SEL1L3: variants seen among roughly 807,000 people sequenced by gnomAD.
The protein encoded by SEL1L3 is SEL1L family member 3.
Under a neutral mutation model 142.8 loss-of-function variants are expected in SEL1L3, and 76 were observed. The ratio of observed to expected loss-of-function variants is 0.53; its 90% CI spans 0.44 to 0.64. SEL1L3 has a LOEUF of 0.64. SEL1L3 is among the 30% of genes least tolerant of loss of function. SEL1L3 has a pLI of 0.00. For synonymous variants in SEL1L3, 504 were observed against 519.6 expected, an observed-to-expected ratio of 0.97 and a Z score of 0.41; for missense variants, 1,262 against 1,381.7, an observed-to-expected ratio of 0.91 and a Z score of 1.37.
At chr4:25,733,758 C>T in the SEL1L3 span, among the ~76,000 whole-genome samples, 2 of 152,180 alleles carry the variant, frequency 1.3e-5, no homozygotes, top group South Asian at 4.1e-4. Flanking sequence ...TGATTTCCCT[C>T]CCACCTCCGG....
chr4:25,777,752 T>C (rs974056993), intron 16 of SEL1L3: 1 of 445,256 alleles, frequency 2.2e-6, no homozygotes, highest in Non-Finnish European at 4.5e-6. Flanking sequence ...GATAAAAAAC[T>C]TCAAGTCAGT....
intron 23 of SEL1L3, chr4:25,756,678 A>G (rs987445449): frequency 1.3e-5 from 14 of 1,089,808 alleles, no homozygotes; most frequent in Non-Finnish European, 1.4e-5. Context: ...TAACTATTCT[A>G]TACTGGCTCA....
intron 3 of SEL1L3, 121 bp from the exon 4 acceptor site, chr4:25,833,690 G>A (rs907710300): frequency 1.3e-5 from 11 of 833,878 alleles, no homozygotes; most frequent in Admixed American, 9.7e-5. Context: ...TTGCCTTCGC[G>A]TTCATCATGG....
At chr4:25,722,746 C>T in the SEL1L3 span, among the ~76,000 whole-genome samples, 18 of 151,714 alleles carry the variant, frequency 1.2e-4, no homozygotes, top group Admixed American at 5.9e-4. Flanking sequence ...CATGAGCCAC[C>T]GTGCCTGGCT....
At chr4:25,739,011 A>C in the SEL1L3 span, among the ~76,000 whole-genome samples, 11 of 151,756 alleles carry the variant, frequency 7.2e-5, no homozygotes, top group East Asian at 1.4e-3. Flanking sequence ...CAAGACCAGC[A>C]TGACCAACAT....
intron 12 of SEL1L3, among the ~76,000 whole-genome samples, chr4:25,790,050 C>A (rs1712185821): frequency 6.6e-6 from 1 of 152,204 alleles, no homozygotes; most frequent in Admixed American, 6.5e-5. Flanking sequence ...GTTTTTCTAT[C>A]TGATGGATGC....
At chr4:25,746,509 T>TAAATAA (rs1222656401), downstream of SEL1L3, among the ~76,000 whole-genome samples, 6 of 31,110 alleles carry the variant, frequency 1.9e-4, no homozygotes, top group African/African-American at 3.5e-4. Flanking sequence ...ATTATCTAAA[T>TAAATAA]ATATATATAT....
At chr4:25,733,523 C>CTT in the SEL1L3 span, among the ~76,000 whole-genome samples, 1,042 of 121,924 alleles carry the variant, frequency 8.5e-3, 44 homozygotes, top group African/African-American at 0.025. Context: ...TATTCCTTAG[C>CTT]TTTTTTTTTT....
In SEL1L3 at chr4:25,862,897, C is replaced by T; in HGVS notation, c.-61G>A. 9.7e-7 allele frequency: 1 copy of T among 1,027,714 alleles called. No individual in the cohort carries two copies. The highest frequency in any genetic ancestry group is 1.2e-6 in the Non-Finnish European group (1 of 858,326). The allele number at this position is 1,027,714 out of a possible 1,614,324, so 63.7% of individuals were successfully genotyped here. A position where few individuals can be genotyped will look rare whatever the true frequency, so the allele number is the denominator to read the frequency against. ...CCTGGTGCAGGGACCGGCCCCCGCC[C>T]GAGGCGCCACCTTCCCGCCCGCCCC... On this transcript the variant is annotated 5_prime_UTR_variant, in exon 1 of 24. Coordinates refer to ENST00000399878, the MANE Select transcript of SEL1L3 (RefSeq NM_015187.5).
chr4:25,782,536 T>C, intron 14 of SEL1L3, 118 bp from the exon 15 acceptor site: 3 of 870,930 alleles, frequency 3.4e-6, no homozygotes, highest in Non-Finnish European at 5.2e-6. Flanking sequence ...CTTTCTCTTA[T>C]TTTGGAGCAG....
chr4:25,778,518 T>C (rs1719788561), intron 16 of SEL1L3, among the ~76,000 whole-genome samples: 1 of 152,192 alleles, frequency 6.6e-6, no homozygotes. Context: ...CAGAGTATAC[T>C]ACATGGTTCA....
intron 2 of SEL1L3, among the ~76,000 whole-genome samples, chr4:25,837,781 A>C (rs1264460335): frequency 1.3e-5 from 2 of 152,122 alleles, no homozygotes; most frequent in Non-Finnish European, 2.9e-5. Flanking sequence ...TATTTATCCT[A>C]TATGTTATTT....
Position 25,788,145 on chromosome 4 carries a change from T to C in SEL1L3, c.2217+79A>G, listed in dbSNP as rs1711981837. 2 of 1,456,552 alleles carry C rather than the reference T, an allele frequency of 1.4e-6. No homozygotes were observed. The highest frequency in any genetic ancestry group is 1.9e-6 in the Non-Finnish European group (2 of 1,059,014). The allele number at this position is 1,456,552 out of a possible 1,614,324, so 90.2% of individuals were successfully genotyped here. On this transcript the variant is annotated intron_variant, in intron 13 of 23. Coordinates refer to ENST00000399878, the MANE Select transcript of SEL1L3 (RefSeq NM_015187.5). The surrounding 1 kb of genome is among the most constrained non-coding windows in gnomAD (Gnocchi z 5.3). Reference sequence around the variant, plus strand: ...ATTTCTTCAGTTATCGACTCCCTGTTTGCCAGCCCGCCCACAGGAAACTGC... The same window carrying C: ...ATTTCTTCAGTTATCGACTCCCTGTCTGCCAGCCCGCCCACAGGAAACTGC...
chr4:25,801,485 CT>C, intron 11 of SEL1L3, among the ~76,000 whole-genome samples: 1 of 152,218 alleles, frequency 6.6e-6, no homozygotes, highest in Non-Finnish European at 1.5e-5. Context: ...AGGCAGCTTT[CT>C]TTTATTCTTA....
At chr4:25,742,811 G>A (rs541039237), downstream of SEL1L3, among the ~76,000 whole-genome samples, 3 of 152,018 alleles carry the variant, frequency 2.0e-5, no homozygotes, top group South Asian at 6.2e-4. Flanking sequence ...ATACTTTACT[G>A]AGACTCCAAA....
At chr4:25,736,242 T>TGTGTGTGTGTGTGTGA in the SEL1L3 span, among the ~76,000 whole-genome samples, 45 of 150,550 alleles carry the variant, frequency 3.0e-4, no homozygotes, top group Admixed American at 6.7e-4. Flanking sequence ...TGTGTGTGTG[T>TGTGTGTGTGTGTGTGA]GATGGAGTTT....
Position 25,788,600 on chromosome 4 carries a change from G to A in SEL1L3, c.2077-236C>T, listed in dbSNP as rs111501113. ...TGTGTGTGTGTGTGTGTGTGTGTGTGTGTGTGTGTGTGTGTGTGTGTATCT... is the reference window on the plus strand; with the variant it reads ...TGTGTGTGTGTGTGTGTGTGTGTGTATGTGTGTGTGTGTGTGTGTGTATCT... On this transcript the variant is annotated intron_variant, in intron 12 of 23. Transcript: ENST00000399878. The surrounding 1 kb of genome is among the most constrained non-coding windows in gnomAD (Gnocchi z 5.3). Among the ~76,000 whole-genome samples, 79 of 151,078 alleles carry A rather than the reference G, an allele frequency of 5.2e-4. No individual in the cohort carries two copies. Among genetic ancestry groups the A allele is most frequent in the Middle Eastern group, 3.4e-3 (1 of 294 alleles).
the SEL1L3 span, among the ~76,000 whole-genome samples, chr4:25,728,836 A>G: frequency 1.6e-4 from 24 of 150,516 alleles, no homozygotes; most frequent in East Asian, 4.1e-3. Context: ...ACTGAACTCC[A>G]GCCTAGTCAA....
chr4:25,827,617 C>A (rs1237290326), intron 6 of SEL1L3, among the ~76,000 whole-genome samples: 1 of 152,196 alleles, frequency 6.6e-6, no homozygotes, highest in African/African-American at 2.4e-5. Context: ...CTAATGCAAT[C>A]CCTGAGCTTT....
Sources: allele counts gnomAD v4.1 joint callset (sites outside exome capture counted in the v4.1 genomes callset), GRCh38; gene constraint gnomAD v4.1.1; non-coding constraint Gnocchi (gnomAD v3.1); transcripts MANE v1.5; gene names NCBI Gene and HGNC (gene_info 2026-07-23, HGNC 2026-07-21).